The following DOCK3 variants were observed in gnomAD, a reference collection of about 807,000 sequenced individuals.
The protein encoded by DOCK3 is dedicator of cytokinesis 3.
DOCK3 carries 60 observed loss-of-function variants against 265.6 expected under a neutral mutation model. That is an observed-to-expected ratio of 0.23 (90% CI 0.18 to 0.28). The LOEUF (loss-of-function observed/expected upper bound fraction) is 0.28. Ranked by LOEUF, DOCK3 falls within the 10% of genes least tolerant of loss-of-function variation. The probability of loss-of-function intolerance (pLI) is 1.00; values close to 1 mark genes in which losing one functional copy is unlikely to be tolerated. For synonymous variants in DOCK3, 881 were observed against 938.0 expected (o/e 0.94, Z 1.11); for missense variants, 1,981 against 2,594.3 (o/e 0.76, Z 5.14).
At chr3:50,912,728 CA>C (rs1170852373) in intron 4 of DOCK3, among the ~76,000 whole-genome samples, 13,368 of 151,946 alleles carry the variant, frequency 0.088, 1,224 homozygotes, top group East Asian at 0.33. Context: ...ACTGCTGCCA[CA>C]GGCCCACAGG....
At chr3:50,728,966 T>C (rs988929487) in intron 1 of DOCK3, among the ~76,000 whole-genome samples, 5 of 147,378 alleles carry the variant, frequency 3.4e-5, no homozygotes, top group Non-Finnish European at 3.0e-5. Context: ...TCTAGTGATC[T>C]GCCCGCCTCG....
At chr3:50,906,052 T>C (rs1273020201) in intron 4 of DOCK3, among the ~76,000 whole-genome samples, 3 of 152,112 alleles carry the variant, frequency 2.0e-5, no homozygotes, top group African/African-American at 4.8e-5. Flanking sequence ...TCTGTTTATA[T>C]GCTGGATTAC....
intron 4 of DOCK3, among the ~76,000 whole-genome samples, chr3:50,918,310 T>A (rs1346581904): frequency 6.6e-6 from 1 of 152,178 alleles, no homozygotes; most frequent in Non-Finnish European, 1.5e-5. Context: ...GTATTTCTAG[T>A]TCTAGATCCT....
intron 5 of DOCK3, among the ~76,000 whole-genome samples, chr3:50,949,732 C>T (rs2076539488): frequency 2.0e-5 from 3 of 152,008 alleles, no homozygotes; most frequent in Admixed American, 6.6e-5. Flanking sequence ...TTCCATCTTA[C>T]CCAAGTTTTT....
rs182769475 is a variant in DOCK3 at position 50,743,317 on chromosome 3, T to A, written c.38-35358T>A. Among the ~76,000 whole-genome samples, 109 of 152,256 alleles carry A rather than the reference T, an allele frequency of 7.2e-4. 1 individual carries two copies. The highest frequency in any genetic ancestry group is 6.6e-3 in the East Asian group (34 of 5,186). On this transcript the variant is annotated intron_variant, in intron 1 of 52. Transcript: ENST00000266037. ...GCAAAATAACCAGCTAACATCATCA[T>A]TACAGGATCAAATTCACACATAACA...
chr3:50,984,312 T>G (rs2077815299), intron 5 of DOCK3, among the ~76,000 whole-genome samples: 1 of 152,234 alleles, frequency 6.6e-6, no homozygotes, highest in Admixed American at 6.5e-5. Context: ...TTGCTTGCTC[T>G]ACCAGGGAGT....
intron 13 of DOCK3, among the ~76,000 whole-genome samples, chr3:51,209,935 A>G (rs189640568): frequency 5.3e-5 from 8 of 152,346 alleles, no homozygotes; most frequent in Non-Finnish European, 8.8e-5. Context: ...CTGGATGCCA[A>G]GTAGCTCCAT....
At chr3:50,768,661 G>A (rs56684767) in intron 1 of DOCK3, among the ~76,000 whole-genome samples, 3,800 of 152,176 alleles carry the variant, frequency 0.025, 182 homozygotes, top group African/African-American at 0.087. Context: ...ATCCATTAAT[G>A]GACACTTATA....
chr3:51,175,245 G>A (rs185451976), intron 12 of DOCK3, among the ~76,000 whole-genome samples: 37 of 152,234 alleles, frequency 2.4e-4, no homozygotes, highest in Middle Eastern at 3.4e-3. Context: ...GGCTGAGAGG[G>A]GCTAGAGGCA....
intron 12 of DOCK3, among the ~76,000 whole-genome samples, chr3:51,192,045 C>T (rs993111387): frequency 1.3e-5 from 2 of 149,732 alleles, no homozygotes; most frequent in African/African-American, 4.9e-5. Flanking sequence ...TATTTCCAAA[C>T]TACTTACACA....
chr3:51,248,654 A>C, intron 22 of DOCK3, among the ~76,000 whole-genome samples: 2 of 141,448 alleles, frequency 1.4e-5, no homozygotes, highest in African/African-American at 5.3e-5. Flanking sequence ...CTGGCCGCCC[A>C]TCGTCTGGGA....
chr3:51,374,769 G>A lies in DOCK3; in HGVS notation c.5412+182G>A, dbSNP rs138969185. ...AGTGAACCTGAGGACCAGCAATCCA[G>A]ACAGAGTGTAGGCGTGAGTAGAATG... On this transcript the variant is annotated intron_variant, in intron 50 of 52. Transcript: ENST00000266037. This position sits in a 1 kb window ranked among gnomAD's most constrained non-coding sequence, Gnocchi z 4.8. Among the ~76,000 whole-genome samples the A allele has an allele frequency of 2.0e-5, 3 of 152,330 alleles. No individual in the cohort carries two copies. In the East Asian group the frequency reaches 5.8e-4, roughly 29 times the overall value.
At chr3:50,950,439 T>A (rs1387613789) in intron 5 of DOCK3, among the ~76,000 whole-genome samples, 5 of 152,204 alleles carry the variant, frequency 3.3e-5, no homozygotes, top group Non-Finnish European at 7.4e-5. Context: ...CTGCCTGAAG[T>A]ATTACCTACC....
intron 5 of DOCK3, among the ~76,000 whole-genome samples, chr3:51,057,416 A>G (rs1343533369): frequency 2.0e-5 from 3 of 152,214 alleles, no homozygotes; most frequent in East Asian, 3.8e-4. Context: ...CTTCTGCCCA[A>G]TCTCCTCCTC....
intron 4 of DOCK3, among the ~76,000 whole-genome samples, chr3:50,899,607 G>T (rs901489649): frequency 6.6e-6 from 1 of 152,116 alleles, no homozygotes; most frequent in Non-Finnish European, 1.5e-5. Context: ...TCTTGCAGTG[G>T]GTGGTACCAG....
At chr3:50,907,110 G>A (rs529501038) in intron 4 of DOCK3, among the ~76,000 whole-genome samples, 1 of 152,064 alleles carries the variant, frequency 6.6e-6, no homozygotes, top group East Asian at 1.9e-4. Context: ...ATTGCACTGT[G>A]GTCTGAGAGA....
At chr3:51,137,920 A>G (rs2084878557) in intron 9 of DOCK3, among the ~76,000 whole-genome samples, 1 of 152,232 alleles carries the variant, frequency 6.6e-6, no homozygotes, top group African/African-American at 2.4e-5. Flanking sequence ...AAATCTCATG[A>G]GTAAATTTGA....
At chr3:50,775,058 A>AT (rs1429828843) in intron 1 of DOCK3, among the ~76,000 whole-genome samples, 2 of 151,892 alleles carry the variant, frequency 1.3e-5, no homozygotes, top group East Asian at 3.9e-4. Context: ...TTTGCTTTGT[A>AT]TTTTTTTAAA....
Position 51,260,344 on chromosome 3 carries a change from A to G in DOCK3, c.2355+18A>G. On this transcript the variant is annotated intron_variant, in intron 23 of 52. Transcript: ENST00000266037. ...TTACTCAGGTTCGCACACTGCAGGG[A>G]AGCTTTGATGCTGGGTTCCTCTTTC... 1 of 1,591,372 alleles carries G rather than the reference A, an allele frequency of 6.3e-7. No individual in the cohort carries two copies. Among genetic ancestry groups the G allele is most frequent in the South Asian group, 1.1e-5 (1 of 87,826 alleles).
Sources: allele counts gnomAD v4.1 joint callset (sites outside exome capture counted in the v4.1 genomes callset), GRCh38; gene constraint gnomAD v4.1.1; non-coding constraint Gnocchi (gnomAD v3.1); transcripts MANE v1.5; gene names NCBI Gene and HGNC (gene_info 2026-07-23, HGNC 2026-07-21).